The following PBX4 variants were observed in gnomAD, a reference collection of about 807,000 sequenced individuals.
The protein encoded by PBX4 is pre-B-cell leukemia transcription factor 4.
In PBX4, 26 loss-of-function variants were observed where a neutral mutation model predicts 35.1. The ratio of observed to expected loss-of-function variants is 0.74; its 90% CI spans 0.54 to 1.03. The LOEUF (loss-of-function observed/expected upper bound fraction) is 1.03, where lower values mean the gene tolerates loss of function less well. Ranked by LOEUF, PBX4 falls within the 50% of genes least tolerant of loss-of-function variation. PBX4 has a pLI of 0.00. For missense variants in PBX4, 448 were observed against 504.3 expected (o/e 0.89, Z 1.07); for synonymous variants, 199 against 204.2 (o/e 0.97, Z 0.22).
chr19:19,611,042 C>T (rs1449118127), intron 1 of PBX4, among the ~76,000 whole-genome samples: 1 of 152,140 alleles, frequency 6.6e-6, no homozygotes, highest in Non-Finnish European at 1.5e-5. Flanking sequence ...CCCTTGCATT[C>T]TTTGAATGGG....
In PBX4 at chr19:19,570,008, C is replaced by T; in HGVS notation, c.632+101G>A. The T allele has an allele frequency of 1.2e-5, 15 of 1,261,788 alleles. No homozygotes were observed. In the South Asian group the frequency reaches 2.3e-4, roughly 19 times the overall value. 78.2% of individuals were successfully genotyped at this position (1,261,788 alleles called of 1,614,324 possible). A position where few individuals can be genotyped will look rare whatever the true frequency, so the allele number is the denominator to read the frequency against. ...GCTGTGAGGCCTCCAACCGTGACTG[C>T]AGACACAGCCTCCAGGGCTGTCTTC... On this transcript the variant is annotated intron_variant, in intron 4 of 7. Coordinates refer to ENST00000251203, the MANE Select transcript of PBX4 (RefSeq NM_025245.3).
At chr19:19,577,677 G>A (rs2061428573) in intron 2 of PBX4, among the ~76,000 whole-genome samples, 1 of 151,962 alleles carries the variant, frequency 6.6e-6, no homozygotes, top group Non-Finnish European at 1.5e-5. Context: ...TGGCTGACAC[G>A]GTGAAACCCC....
chr19:19,597,073 G>A (rs928886580), intron 2 of PBX4, among the ~76,000 whole-genome samples: 5 of 152,098 alleles, frequency 3.3e-5, no homozygotes, highest in Non-Finnish European at 5.9e-5. Flanking sequence ...AATTAGCTGG[G>A]TGTGGTGGCA....
chr19:19,568,984 C>A (rs546802003), intron 5 of PBX4, among the ~76,000 whole-genome samples: 2 of 152,328 alleles, frequency 1.3e-5, no homozygotes, highest in African/African-American at 4.8e-5. Flanking sequence ...CGCTGGAGTC[C>A]CACATTTGTA....
chr19:19,583,904 T>C (rs920558616), intron 2 of PBX4, among the ~76,000 whole-genome samples: 4 of 152,042 alleles, frequency 2.6e-5, no homozygotes, highest in Non-Finnish European at 5.9e-5. Flanking sequence ...ATCCCATCTC[T>C]ACTAAAAATA....
chr19:19,565,486 GGGGACCCAGTAACT>G (rs1436260879), intron 5 of PBX4, among the ~76,000 whole-genome samples: 1 of 152,184 alleles, frequency 6.6e-6, no homozygotes, highest in Non-Finnish European at 1.5e-5. Flanking sequence ...AGGGAGACCT[GGGGACCCAGTAACT>G]GCGATCGAAT....
chr19:19,603,145 T>A (rs948779340), intron 1 of PBX4, among the ~76,000 whole-genome samples: 1 of 152,174 alleles, frequency 6.6e-6, no homozygotes, highest in African/African-American at 2.4e-5. Context: ...CTTCCCCATG[T>A]GGCCCTGCCT....
In PBX4 at chr19:19,562,111, C is replaced by A. The variant is rs914478462; in HGVS notation, c.1039G>T (p.Gly347Cys). The A allele has an allele frequency of 8.1e-6, 13 of 1,609,964 alleles. No individual in the cohort carries two copies. In the African/African-American group the frequency reaches 1.3e-4, roughly 17 times the overall value. Residue 347 changes from glycine (G) to cysteine (C), a missense_variant, in exon 8 of 8, where the codon GGT becomes TGT. By Grantham distance (159) the Gly-to-Cys change is radical. Transcript: ENST00000251203. The surrounding 1 kb of genome is among the most constrained non-coding windows in gnomAD (Gnocchi z 4.8). ...GGGCLQSQAQ[G>C]SWQGATPQPA... is the part of the protein sequence containing the mutation. ...TGGGGGGTGGCCCCCTGCCAGCTAC[C>A]CTGGGCCTGAAACGACAGAGACTGA...
intron 1 of PBX4, among the ~76,000 whole-genome samples, chr19:19,599,819 A>C (rs532225105): frequency 6.6e-6 from 1 of 152,176 alleles, no homozygotes; most frequent in South Asian, 2.1e-4. Context: ...CTAAAAATAC[A>C]AAAATTAGTT....
At chr19:19,613,277 C>A (rs1372723619) in intron 1 of PBX4, among the ~76,000 whole-genome samples, 1 of 151,012 alleles carries the variant, frequency 6.6e-6, no homozygotes, top group African/African-American at 2.4e-5. Context: ...AGCAGCCTGG[C>A]CAACATGGCA....
chr19:19,583,430 G>A (rs1221232914), intron 2 of PBX4, among the ~76,000 whole-genome samples: 1 of 151,930 alleles, frequency 6.6e-6, no homozygotes, highest in Non-Finnish European at 1.5e-5. Flanking sequence ...GGGCAACATA[G>A]CAAGACCCCA....
At chr19:19,578,786 C>T (rs1288190734) in intron 2 of PBX4, among the ~76,000 whole-genome samples, 2 of 152,132 alleles carry the variant, frequency 1.3e-5, no homozygotes, top group Non-Finnish European at 2.9e-5. Context: ...GCCCTAACTC[C>T]CAACGTGACT....
intron 1 of PBX4, 152 bp downstream of exon 1, chr19:19,618,359 G>GT (rs1325871064): frequency 1.5e-6 from 1 of 648,540 alleles, no homozygotes; most frequent in Non-Finnish European, 2.2e-6. Flanking sequence ...AGCCCGTTCC[G>GT]TTTGAACCCC....
chr19:19,569,443 C>T lies in PBX4; in HGVS notation c.768+6G>A, dbSNP rs368489932. ...CGTGGCGAGACGTGGCAGGAGAGAA[C>T]GTCACCTGGGAGATGGTGAGGCCGC... On this transcript the variant is annotated splice_donor_region_variant and intron_variant, in intron 5 of 7. Coordinates refer to ENST00000251203, the MANE Select transcript of PBX4 (RefSeq NM_025245.3). 1.1e-4 allele frequency: 171 copies of T among 1,608,438 alleles called. No homozygotes were observed. Among genetic ancestry groups the T allele is most frequent in the South Asian group, 3.2e-4 (29 of 90,282 alleles).
chr19:19,600,017 C>A (rs1163917585), intron 1 of PBX4, among the ~76,000 whole-genome samples: 1 of 151,280 alleles, frequency 6.6e-6, no homozygotes, highest in East Asian at 1.9e-4. Flanking sequence ...TGTCATGCAC[C>A]TGTAATCCCA....
At chr19:19,586,806 C>A (rs2061491952) in intron 2 of PBX4, among the ~76,000 whole-genome samples, 1 of 151,786 alleles carries the variant, frequency 6.6e-6, no homozygotes, top group South Asian at 2.1e-4. Context: ...TGGCATGCAC[C>A]TGTAGTCCCA....
chr19:19,612,173 G>A (rs972053068), intron 1 of PBX4, among the ~76,000 whole-genome samples: 1 of 151,994 alleles, frequency 6.6e-6, no homozygotes, highest in Non-Finnish European at 1.5e-5. Context: ...CCAACTACTC[G>A]GGAGGCTGAG....
intron 4 of PBX4, 140 bp downstream of exon 4, chr19:19,569,969 C>T: frequency 1.4e-6 from 1 of 712,398 alleles, no homozygotes. Context: ...TACTTCAGGC[C>T]TTCTTCCCAA....
In PBX4 at chr19:19,564,964, G is replaced by T. The variant is rs369823420; in HGVS notation, c.894C>A (p.Asn298Lys). 5 of 1,614,210 alleles carry T rather than the reference G, an allele frequency of 3.1e-6. No homozygotes were observed. Among genetic ancestry groups the T allele is most frequent in the Non-Finnish European group, 4.2e-6 (5 of 1,180,034 alleles). The change falls in exon 6 of 8, where the codon AAC becomes AAA. Residue 298 changes from asparagine (N) to lysine (K), a missense_variant. Asn to Lys is a moderately conservative substitution (Grantham distance 94). Coordinates refer to ENST00000251203, the MANE Select transcript of PBX4 (RefSeq NM_025245.3). ...VDTTEVGVPG[N>K]HASCLSTPSS... is the part of the protein sequence containing the mutation. ...TAGGTGTTGACAGGCAGCTGGCGTG[G>T]TTCCCTGGGACCCCAACTTCCGTGG...
Sources: gnomAD v4.1 joint callset for allele counts (sites outside exome capture counted in the v4.1 genomes callset) on GRCh38, gnomAD v4.1.1 for gene constraint, Gnocchi (gnomAD v3.1) non-coding constraint, MANE v1.5 for transcripts, NCBI Gene and HGNC (gene_info 2026-07-23, HGNC 2026-07-21) for gene names.